Variants in CCT2 observed in about 807,000 individuals in gnomAD.
CCT2 encodes the protein chaperonin containing TCP1 subunit 2, also known as T-complex protein 1 subunit beta.
In CCT2, 18 loss-of-function variants were observed where a neutral mutation model predicts 61.8. The observed-to-expected ratio is 0.29, with a 90% CI of 0.20 to 0.43. CCT2 has a LOEUF of 0.43. CCT2 is among the 20% of genes least tolerant of loss of function. The probability of loss-of-function intolerance (pLI) is 1.00; values close to 1 mark genes in which losing one functional copy is unlikely to be tolerated. For synonymous variants in CCT2, 248 were observed against 215.9 expected (o/e 1.15, Z -1.30); for missense variants, 556 against 656.9 (o/e 0.85, Z 1.68).
chr12:69,601,357 G>T lies in CCT2; in HGVS notation c.*32G>T. 6.2e-7 allele frequency: 1 copy of T among 1,613,964 alleles called. No individual in the cohort carries two copies. Among genetic ancestry groups the T allele is most frequent in the Non-Finnish European group, 8.5e-7 (1 of 1,179,930 alleles). The stretch of plus-strand genomic sequence containing the variant: ...CCACGTGCTGTCGATCTTTGGACCA[G>T]TTTCTAGCAAAGTTGTGTTTGAAAG... On this transcript the variant is annotated 3_prime_UTR_variant, in exon 16 of 16. Coordinates refer to ENST00000299300, the MANE Select transcript of CCT2 (RefSeq NM_006431.3).
intron 6 of CCT2, 36 bp from the exon 7 acceptor site, chr12:69,589,449 T>C: frequency 6.7e-7 from 1 of 1,502,702 alleles, no homozygotes; most frequent in Non-Finnish European, 9.2e-7. Context: ...AAAAGTAAAG[T>C]AGGGTTAATA....
intron 8 of CCT2, 40 bp from the exon 9 acceptor site, chr12:69,592,936 T>A (rs1448484413): frequency 1.9e-5 from 30 of 1,594,552 alleles, no homozygotes; most frequent in African/African-American, 4.1e-5. Context: ...TCAAAAAAAA[T>A]AATGAAACTG....
At chr12:69,592,755 C>T (rs1881873220) in intron 8 of CCT2, 1 of 377,592 alleles carries the variant, frequency 2.6e-6, no homozygotes, top group Non-Finnish European at 4.8e-6. Flanking sequence ...TGGTGAAACC[C>T]TGTCTTTACT....
intron 3 of CCT2, 72 bp downstream of exon 3, chr12:69,586,890 T>A: frequency 1.1e-6 from 1 of 898,512 alleles, no homozygotes; most frequent in Non-Finnish European, 1.7e-6. Context: ...ATAACAAGCG[T>A]ATTAAAATGC....
At chr12:69,593,487 G>GT (rs1272387734) in intron 9 of CCT2, 23 bp from the exon 10 acceptor site, 7 of 1,446,674 alleles carry the variant, frequency 4.8e-6, no homozygotes, top group Non-Finnish European at 6.8e-6. Flanking sequence ...TGAGCATAAT[G>GT]TTTTCATGTA....
At chr12:69,596,971 A>G (rs1417559019) in intron 10 of CCT2, among the ~76,000 whole-genome samples, 185 bp from the exon 11 acceptor site, 1 of 152,210 alleles carries the variant, frequency 6.6e-6, no homozygotes, top group Non-Finnish European at 1.5e-5. Context: ...ATCCAAGAGG[A>G]TTATTTTAAA....
intron 6 of CCT2, 90 bp from the exon 7 acceptor site, chr12:69,589,395 T>C (rs947925742): frequency 1.2e-5 from 10 of 826,854 alleles, no homozygotes; most frequent in African/African-American, 1.0e-4. Context: ...CTTGATCAGT[T>C]AGGGTAAAAT....
At chr12:69,585,647 G>GGTGCGAGCCATGCGCGGGGC in intron 1 of CCT2, 123 bp downstream of exon 1, 3 of 1,538,242 alleles carry the variant, frequency 2.0e-6, no homozygotes, top group Non-Finnish European at 2.6e-6. Flanking sequence ...CTCCGCACAT[G>GGTGCGAGCCATGCGCGGGGC]GTGCGAGCCA....
rs373162355 is a variant in CCT2 at position 69,592,979 on chromosome 12, T to C, written c.754T>C (p.Phe252Leu). ...TGMDTDKIKI[F>L]GSRVRVDSTA... ...CTTTATGCTTCGTTTGTCTTAGATA[T>C]TTGGTTCCCGGGTAAGAGTTGACTC... Residue 252 changes from phenylalanine (F) to leucine (L), a missense_variant, in exon 9 of 16, where the codon TTT (phenylalanine) becomes CTT (leucine). Physicochemically the swap from Phe to Leu is conservative, Grantham distance 22. This residue lies in a region of CCT2 where 308 missense variants were observed against 350.6 expected (regional missense o/e 0.88). Coordinates refer to ENST00000299300, the MANE Select transcript of CCT2 (RefSeq NM_006431.3). The C allele has an allele frequency of 6.2e-6, 10 of 1,611,880 alleles. No homozygotes were observed. The highest frequency in any genetic ancestry group is 8.5e-6 in the Non-Finnish European group (10 of 1,179,438).
At chr12:69,594,390 A>G (rs1881926845) in intron 10 of CCT2, among the ~76,000 whole-genome samples, 1 of 152,220 alleles carries the variant, frequency 6.6e-6, no homozygotes. Context: ...GCTTTTGTTA[A>G]TTTTAAAAAA....
intron 10 of CCT2, among the ~76,000 whole-genome samples, chr12:69,596,039 C>T (rs1480239230): frequency 6.6e-6 from 1 of 152,200 alleles, no homozygotes; most frequent in African/African-American, 2.4e-5. Flanking sequence ...AGTCATTGCG[C>T]TCCAGTCTAG....
intron 10 of CCT2, among the ~76,000 whole-genome samples, chr12:69,594,688 C>T (rs894867884): frequency 3.9e-5 from 6 of 151,918 alleles, no homozygotes; most frequent in Non-Finnish European, 7.4e-5. Context: ...AAGACTGTCT[C>T]TACAAAAAAT....
chr12:69,587,986 T>C lies in CCT2; in HGVS notation c.313T>C (p.Leu105=), dbSNP rs1881714530. The C allele has an allele frequency of 1.2e-6, 2 of 1,613,506 alleles. No homozygotes were observed. The highest frequency in any genetic ancestry group is 1.3e-5 in the African/African-American group (1 of 74,932). ...TGATGGCACTACCTCTGTTACCGTTTTAGCAGCAGAATTATTAAGGGTAAG... is the reference window on the plus strand; with the variant it reads ...TGATGGCACTACCTCTGTTACCGTTCTAGCAGCAGAATTATTAAGGGTAAG... The part of the protein sequence containing the change: ...VGDGTTSVTV[L]AAELLREAES... The change falls in exon 5 of 16, where the codon TTA becomes CTA. Residue 105 remains leucine (L), a synonymous_variant. Coordinates refer to ENST00000299300, the MANE Select transcript of CCT2 (RefSeq NM_006431.3).
chr12:69,593,996 T>C (rs1007937566), intron 10 of CCT2, among the ~76,000 whole-genome samples: 1 of 150,490 alleles, frequency 6.6e-6, no homozygotes, highest in Admixed American at 6.6e-5. Flanking sequence ...ATTGGCCAGG[T>C]GTGGTGGCAA....
Position 69,600,014 on chromosome 12 carries a change from C to G in CCT2, c.1577+10C>G. ...TCAAAGCGGCACCCAGGTACCCTAA[C>G]ACTTTTCTCAGAAAAAATTACTAAC... On this transcript the variant is annotated intron_variant, in intron 15 of 15. Coordinates refer to ENST00000299300, the MANE Select transcript of CCT2 (RefSeq NM_006431.3). The G allele has an allele frequency of 1.3e-6, 2 of 1,591,310 alleles. No homozygotes were observed. The highest frequency in any genetic ancestry group is 1.7e-6 in the Non-Finnish European group (2 of 1,171,552).
chr12:69,586,104 C>G (rs1881645307), intron 1 of CCT2, 166 bp from the exon 2 acceptor site: 19 of 1,188,946 alleles, frequency 1.6e-5, no homozygotes, highest in Non-Finnish European at 2.0e-5. Flanking sequence ...GTCCCTCTCT[C>G]CCACTTAAAT....
At chr12:69,589,312 G>A in intron 6 of CCT2, 173 bp from the exon 7 acceptor site, 1 of 597,928 alleles carries the variant, frequency 1.7e-6, no homozygotes, top group South Asian at 2.1e-5. Flanking sequence ...CCAGTTTGGT[G>A]GGGAAAATAA....
Position 69,601,281 on chromosome 12 carries a change from TCTTA to T in CCT2, c.1578-11_1578-8del, listed in dbSNP as rs1231606475. 6.3e-7 allele frequency: 1 copy of T among 1,587,994 alleles called. No individual in the cohort carries two copies. Among genetic ancestry groups the T allele is most frequent in the African/African-American group, 1.4e-5 (1 of 73,388 alleles). ...CTTCATTTTTCACTATTGACTTTTT[TCTTA>T]CTCTCATAGGAAACGTGTCCCTGAT... On this transcript the variant is annotated splice_polypyrimidine_tract_variant and intron_variant, in intron 15 of 15. Coordinates refer to ENST00000299300, the MANE Select transcript of CCT2 (RefSeq NM_006431.3).
At chr12:69,591,061 C>T (rs538052396) in intron 7 of CCT2, among the ~76,000 whole-genome samples, 1 of 152,152 alleles carries the variant, frequency 6.6e-6, no homozygotes, top group Non-Finnish European at 1.5e-5. Flanking sequence ...AGGGAAGGAG[C>T]ATTAAAACAA....
Sources: gnomAD v4.1 joint callset for allele counts (sites outside exome capture counted in the v4.1 genomes callset) on GRCh38, gnomAD v4.1.1 for gene constraint, gnomAD v4.1.1 regional missense constraint, MANE v1.5 for transcripts, NCBI Gene and HGNC (gene_info 2026-07-23, HGNC 2026-07-21) for gene names.